Variants in MAP3K8 observed in about 807,000 individuals in gnomAD.
The protein encoded by MAP3K8 is Ewing sarcoma transformant.
Under a neutral mutation model 45.8 loss-of-function variants are expected in MAP3K8, and 22 were observed. The observed-to-expected ratio is 0.48, with a 90% CI of 0.34 to 0.69. The LOEUF (loss-of-function observed/expected upper bound fraction) is 0.69. MAP3K8 is among the 30% of genes least tolerant of loss of function. The pLI is 0.01. For synonymous variants in MAP3K8, 223 were observed against 214.3 expected (o/e 1.04, Z -0.36); for missense variants, 419 against 585.0 (o/e 0.72, Z 2.93).
chr10:30,438,099 T>C (rs1835970774), intron 2 of MAP3K8, among the ~76,000 whole-genome samples: 1 of 152,202 alleles, frequency 6.6e-6, no homozygotes, highest in Non-Finnish European at 1.5e-5. Context: ...TTATGATAAA[T>C]TTGACTTTCC....
chr10:30,452,958 T>C (rs937494034), intron 6 of MAP3K8, among the ~76,000 whole-genome samples: 1 of 152,082 alleles, frequency 6.6e-6, no homozygotes, highest in Non-Finnish European at 1.5e-5. Context: ...GGACTACAGG[T>C]TTGAGCCCCC....
At position 30,449,286 on chromosome 10, in the gene MAP3K8, C is replaced by G. The variant is rs148459030; in HGVS notation, c.505-972C>G. ...TTGAGACGGAGTCTAGCTCTGTCGCCCAGGCTGGAGTGTAGTGGCGCAATC... is the reference window on the plus strand; with the variant it reads ...TTGAGACGGAGTCTAGCTCTGTCGCGCAGGCTGGAGTGTAGTGGCGCAATC... On this transcript the variant is annotated intron_variant, in intron 4 of 8. Coordinates refer to ENST00000263056, the MANE Select transcript of MAP3K8 (RefSeq NM_005204.4). Among the ~76,000 whole-genome samples the G allele has an allele frequency of 4.9e-4, 74 of 152,218 alleles. 5 individuals carry two copies. In the East Asian group the frequency reaches 0.014, roughly 29 times the overall value.
chr10:30,436,275 G>C (rs1835905506), intron 1 of MAP3K8, among the ~76,000 whole-genome samples: 1 of 152,180 alleles, frequency 6.6e-6, no homozygotes, highest in South Asian at 2.1e-4. Flanking sequence ...GAAACCATTA[G>C]CATATTGTGT....
At position 30,459,356 on chromosome 10, in the gene MAP3K8, C is replaced by T. The variant is rs149450278; in HGVS notation, c.1128C>T (p.Arg376=). 6.2e-7 allele frequency: 1 copy of T among 1,614,146 alleles called. No homozygotes were observed. The highest frequency in any genetic ancestry group is 8.5e-7 in the Non-Finnish European group (1 of 1,180,032). Reference sequence around the variant, plus strand: ...CCCTGGAGAGAAACCCCAATCACCGCCCAAGAGCCGCAGACCTACTAAAAC... The same window carrying T: ...CCCTGGAGAGAAACCCCAATCACCGTCCAAGAGCCGCAGACCTACTAAAAC... ...EASLERNPNH[R]PRAADLLKHE... is the part of the protein sequence containing the mutation. Residue 376 remains arginine (R), a synonymous_variant, in exon 8 of 9, where the codon CGC becomes CGT. Coordinates refer to ENST00000263056, the MANE Select transcript of MAP3K8 (RefSeq NM_005204.4).
At chr10:30,439,461 A>G in intron 3 of MAP3K8, 187 bp downstream of exon 3, 1 of 1,178,858 alleles carries the variant, frequency 8.5e-7, no homozygotes, top group Non-Finnish European at 1.2e-6. Context: ...TAAAATTTCT[A>G]TTTAAAGATT....
chr10:30,460,397 T>C (rs375005917), intron 8 of MAP3K8, among the ~76,000 whole-genome samples: 1 of 152,338 alleles, frequency 6.6e-6, no homozygotes, highest in East Asian at 1.9e-4. Context: ...AACCGAGATG[T>C]CAAGCCTGGT....
chr10:30,439,532 G>A lies in MAP3K8; in HGVS notation c.336+258G>A, dbSNP rs562725355. On this transcript the variant is annotated intron_variant, in intron 3 of 8. Coordinates refer to ENST00000263056, the MANE Select transcript of MAP3K8 (RefSeq NM_005204.4). ...TAATTAAGAAGAATGTATTTTGGCC[G>A]GGTGCAGGGGCTCACGCCTGTAATC... is the stretch of plus-strand genomic sequence containing the variant. The A allele has an allele frequency of 4.6e-5, 37 of 805,260 alleles. 1 individual carries two copies. The East Asian group carries it at 5.7e-4, about 12-fold the overall frequency. 49.9% of individuals were successfully genotyped at this position (805,260 alleles called of 1,614,324 possible). A position where few individuals can be genotyped will look rare whatever the true frequency, so the allele number is the denominator to read the frequency against.
intron 6 of MAP3K8, among the ~76,000 whole-genome samples, chr10:30,453,913 A>AAG (rs1257446152): frequency 7.6e-4 from 64 of 84,154 alleles, no homozygotes; most frequent in African/African-American, 2.0e-3. Context: ...GGAGGGAGAG[A>AAG]GAGAAGGAAG....
intron 4 of MAP3K8, among the ~76,000 whole-genome samples, chr10:30,449,992 A>G (rs2132812557): frequency 6.6e-6 from 1 of 152,286 alleles, no homozygotes; most frequent in South Asian, 2.1e-4. Context: ...AAAACTTTGG[A>G]TAGATTTCTG....
intron 4 of MAP3K8, 56 bp downstream of exon 4, chr10:30,448,005 T>G (rs1836399229): frequency 4.6e-6 from 7 of 1,513,002 alleles, no homozygotes; most frequent in Non-Finnish European, 5.4e-6. Flanking sequence ...CTGGCTTTTG[T>G]TTTTTTGTCC....
At chr10:30,446,892 T>G (rs960990755) in intron 3 of MAP3K8, among the ~76,000 whole-genome samples, 1 of 152,136 alleles carries the variant, frequency 6.6e-6, no homozygotes, top group African/African-American at 2.4e-5. Context: ...AATTCTTGTT[T>G]TATTATTTTA....
At chr10:30,453,659 G>A (rs2132821306) in intron 6 of MAP3K8, among the ~76,000 whole-genome samples, 1 of 152,180 alleles carries the variant, frequency 6.6e-6, no homozygotes, top group African/African-American at 2.4e-5. Flanking sequence ...TGAGGAGCAA[G>A]CCTTAGTGGT....
chr10:30,449,314 G>A (rs1836454813), intron 4 of MAP3K8, among the ~76,000 whole-genome samples: 1 of 152,060 alleles, frequency 6.6e-6, no homozygotes, highest in African/African-American at 2.4e-5. Flanking sequence ...GCGCAATCTT[G>A]GCTCACCTCA....
chr10:30,459,138 C>T (rs1836844680), intron 7 of MAP3K8, 117 bp from the exon 8 acceptor site: 3 of 1,084,020 alleles, frequency 2.8e-6, no homozygotes, highest in East Asian at 4.7e-5. Flanking sequence ...GAACTGCATT[C>T]GTTGCAGGGC....
In MAP3K8 at chr10:30,460,761, T is replaced by A; in HGVS notation, c.1329T>A (p.Ser443=). Reference sequence around the variant, plus strand: ...CTGAGATGCTCAAGAGGCAACGCTCTCTCTACATCGACCTCGGCGCTCTGG... The same window carrying A: ...CTGAGATGCTCAAGAGGCAACGCTCACTCTACATCGACCTCGGCGCTCTGG... ...EESEMLKRQR[S]LYIDLGALAG... Residue 443 remains serine, a synonymous_variant, in exon 9 of 9, where the codon TCT becomes TCA. Coordinates refer to ENST00000263056, the MANE Select transcript of MAP3K8 (RefSeq NM_005204.4). The A allele has an allele frequency of 6.2e-7, 1 of 1,614,034 alleles. No individual in the cohort carries two copies. Among genetic ancestry groups the A allele is most frequent in the Non-Finnish European group, 8.5e-7 (1 of 1,179,974 alleles).
rs303447 is a variant in MAP3K8, at chr10:30,439,535, T to C, written c.336+261T>C. ...TTAAGAAGAATGTATTTTGGCCGGG[T>C]GCAGGGGCTCACGCCTGTAATCCGC... On this transcript the variant is annotated intron_variant, in intron 3 of 8. Transcript: ENST00000263056. 0.68 allele frequency: 526,755 copies of C among 770,514 alleles called. 183,108 individuals are homozygous for C. Among genetic ancestry groups the C allele is most frequent in the African/African-American group, 0.85 (49,181 of 57,546 alleles). The allele number at this position is 770,514 out of a possible 1,614,324, so 47.7% of individuals were successfully genotyped here.
At chr10:30,434,438 C>G in intron 1 of MAP3K8, 60 bp downstream of exon 1, 2 of 985,426 alleles carry the variant, frequency 2.0e-6, no homozygotes, top group Non-Finnish European at 2.4e-6. Context: ...CTGGGTGCCC[C>G]GGGGATTCCC....
intron 1 of MAP3K8, chr10:30,434,809 T>G: frequency 1.0e-6 from 1 of 980,420 alleles, no homozygotes; most frequent in Non-Finnish European, 1.2e-6. Flanking sequence ...CTTTGATAAT[T>G]TATAAGCCTT....
rs1352063743 is a variant in MAP3K8 at position 30,438,915 on chromosome 10, G to T, written c.-23-1G>T. 2 of 1,517,092 alleles carry T rather than the reference G, an allele frequency of 1.3e-6. No homozygotes were observed. Among genetic ancestry groups the T allele is most frequent in the African/African-American group, 1.4e-5 (1 of 71,944 alleles). 94.0% of individuals were successfully genotyped at this position (1,517,092 alleles called of 1,614,324 possible). On this transcript the variant is annotated splice_acceptor_variant, in intron 2 of 8. Coordinates refer to ENST00000263056, the MANE Select transcript of MAP3K8 (RefSeq NM_005204.4). LOFTEE classifies it low-confidence loss of function (5UTR_SPLICE). ...CTAAATATTTGTGTTTTCTTTCCTA[G>T]ACTCTCCAGAAAGAGCAACAGTAAT...
Sources: gnomAD v4.1 joint callset for allele counts (sites outside exome capture counted in the v4.1 genomes callset) on GRCh38, gnomAD v4.1.1 for gene constraint, MANE v1.5 for transcripts, NCBI Gene and HGNC (gene_info 2026-07-23, HGNC 2026-07-21) for gene names.